The following SOX6 variants were observed in gnomAD, a reference collection of about 807,000 sequenced individuals.
SOX6 encodes SRY-box transcription factor 6, also known as transcription factor SOX-6.
In SOX6, 11 loss-of-function variants were observed where a neutral mutation model predicts 97.8. That is an observed-to-expected ratio of 0.11 (90% CI 0.07 to 0.19). The LOEUF is 0.19. SOX6 is among the 10% of genes least tolerant of loss of function. The pLI is 1.00. For synonymous variants in SOX6, 360 were observed against 371.4 expected, an observed-to-expected ratio of 0.97 and a Z score of 0.35; for missense variants, 810 against 1,039.5, an observed-to-expected ratio of 0.78 and a Z score of 3.04.
chr11:16,127,591 G>T (rs1304131115), intron 6 of SOX6, among the ~76,000 whole-genome samples: 1 of 152,066 alleles, frequency 6.6e-6, no homozygotes, highest in Non-Finnish European at 1.5e-5. Context: ...TGGTCAAAAT[G>T]ATTATTGTTA....
chr11:16,223,402 C>A (rs568592796), intron 4 of SOX6, among the ~76,000 whole-genome samples: 3 of 152,084 alleles, frequency 2.0e-5, no homozygotes, highest in Non-Finnish European at 4.4e-5. Context: ...AATCAGCATT[C>A]TAAGTTATAG....
intron 4 of SOX6, among the ~76,000 whole-genome samples, chr11:16,514,452 T>G (rs867180877): frequency 1.3e-5 from 2 of 152,144 alleles, no homozygotes; most frequent in Non-Finnish European, 2.9e-5. Flanking sequence ...TAGCTAACTG[T>G]GTAACCTCTG....
intron 3 of SOX6, among the ~76,000 whole-genome samples, chr11:16,306,611 C>CTT (rs750981587): frequency 9.9e-5 from 12 of 120,760 alleles, no homozygotes; most frequent in Admixed American, 9.1e-5. Context: ...CCTCAAATTT[C>CTT]TTTTTTTTTT....
At position 16,522,253 on chromosome 11, in the gene SOX6, G is replaced by A. The variant is rs183413791; in HGVS notation, n.610-45865C>T. Among the ~76,000 whole-genome samples the A allele has an allele frequency of 1.6e-3, 242 of 152,128 alleles. 2 individuals carry two copies. The highest frequency in any genetic ancestry group is 5.7e-3 in the African/African-American group (238 of 41,502). On this transcript the variant is annotated intron_variant and non_coding_transcript_variant, in intron 4 of 5. Coordinates refer to the SOX6 transcript ENST00000524520. The stretch of plus-strand genomic sequence containing the variant: ...GAGAAAGGTCGGGTTACCCACAAAG[G>A]GAAGCCCATCAGACTAACAGCGGAT...
intron 3 of SOX6, among the ~76,000 whole-genome samples, chr11:16,620,248 A>G (rs1036189685): frequency 8.5e-5 from 13 of 152,168 alleles, no homozygotes; most frequent in African/African-American, 3.1e-4. Context: ...TGGGATTCCA[A>G]TGTTTGTTTC....
At chr11:16,246,857 T>C (rs1250717249) in intron 3 of SOX6, among the ~76,000 whole-genome samples, 1 of 152,182 alleles carries the variant, frequency 6.6e-6, no homozygotes, top group African/African-American at 2.4e-5. Flanking sequence ...AAATATCAAA[T>C]CAAGGTAACT....
intron 2 of SOX6, among the ~76,000 whole-genome samples, chr11:16,326,609 G>A (rs1397061346): frequency 6.6e-6 from 1 of 152,000 alleles, no homozygotes; most frequent in East Asian, 1.9e-4. Flanking sequence ...CCAGAAAGGA[G>A]ATTTATCTAC....
chr11:15,996,235 T>C (rs1198383078), intron 13 of SOX6, among the ~76,000 whole-genome samples: 1 of 152,206 alleles, frequency 6.6e-6, no homozygotes. Flanking sequence ...TAGAATTAGA[T>C]TGTTAAAGGT....
intron 15 of SOX6, among the ~76,000 whole-genome samples, chr11:15,984,680 T>A (rs1853773806): frequency 6.6e-6 from 1 of 152,212 alleles, no homozygotes; most frequent in Non-Finnish European, 1.5e-5. Flanking sequence ...ATAATCCTAT[T>A]TTGTCATGTC....
chr11:16,717,136 T>C (rs1273738030), intron 2 of SOX6, among the ~76,000 whole-genome samples: 1 of 152,136 alleles, frequency 6.6e-6, no homozygotes, highest in African/African-American at 2.4e-5. Flanking sequence ...CATTTGAAAT[T>C]AGGAATATTT....
intron 4 of SOX6, among the ~76,000 whole-genome samples, chr11:16,517,958 CTA>C (rs764934969): frequency 6.6e-6 from 1 of 152,190 alleles, no homozygotes; most frequent in Non-Finnish European, 1.5e-5. Flanking sequence ...AACTAAACTT[CTA>C]AACAGCCTAA....
At chr11:16,207,992 GA>G (rs1737144513) in intron 4 of SOX6, among the ~76,000 whole-genome samples, 1 of 151,992 alleles carries the variant, frequency 6.6e-6, no homozygotes, top group African/African-American at 2.4e-5. Context: ...TTATTAAGAA[GA>G]AAATATTTCT....
Position 15,986,351 on chromosome 11 carries a change from T to C in SOX6, c.2036A>G (p.Lys679Arg). Residue 679 changes from lysine to arginine, a missense_variant, in exon 15 of 16, where the codon AAG becomes AGG. By Grantham distance (26) the Lys-to-Arg change is conservative (BLOSUM62 2). This residue lies in a region of SOX6 where 51 missense variants were observed against 145.7 expected (regional missense o/e 0.35). Transcript: ENST00000683767. ...GTTTGGGTACTTCTCTAAGTGGATC[T>C]TGCTTAGCCGGGCCTGCTCTTCATA... The part of the protein sequence containing the change: ...PYYEEQARLS[K>R]IHLEKYPNYK... 1 of 1,614,138 alleles carries C rather than the reference T, an allele frequency of 6.2e-7. No individual in the cohort carries two copies. The highest frequency in any genetic ancestry group is 8.5e-7 in the Non-Finnish European group (1 of 1,180,012).
chr11:16,578,654 A>C (rs1181952486), intron 4 of SOX6, among the ~76,000 whole-genome samples: 2 of 152,274 alleles, frequency 1.3e-5, no homozygotes, highest in African/African-American at 4.8e-5. Flanking sequence ...TTGCTTTAAA[A>C]ATTAGTTCCT....
chr11:16,604,743 T>G (rs571776887), intron 4 of SOX6, among the ~76,000 whole-genome samples: 1 of 152,350 alleles, frequency 6.6e-6, no homozygotes, highest in East Asian at 1.9e-4. Flanking sequence ...AAGACTTATT[T>G]TTAGTCCCCA....
intron 1 of SOX6, among the ~76,000 whole-genome samples, chr11:16,341,842 C>T (rs1317129019): frequency 6.6e-6 from 1 of 151,998 alleles, no homozygotes; most frequent in Non-Finnish European, 1.5e-5. Context: ...CTACTTAGTG[C>T]CATCTAAAGC....
intron 4 of SOX6, among the ~76,000 whole-genome samples, chr11:16,532,291 T>C (rs1412369748): frequency 6.6e-6 from 1 of 151,816 alleles, no homozygotes; most frequent in Non-Finnish European, 1.5e-5. Flanking sequence ...AAAGGGCCTA[T>C]TTATTCTTAC....
Position 16,025,261 on chromosome 11 carries a change from G to A in SOX6, c.1624-10211C>T, listed in dbSNP as rs148900518. 4.5e-4 allele frequency among the ~76,000 whole-genome samples: 68 copies of A among 152,206 alleles called. 1 individual carries two copies. The Middle Eastern group carries it at 0.01, about 23-fold the overall frequency. On this transcript the variant is annotated intron_variant, in intron 12 of 15. Transcript: ENST00000683767. Reference sequence around the variant, plus strand: ...TATATGTGGTTTCAACTTTTTATTCGTGTACAGAGGCATGATGCAGATTTG... The same window carrying A: ...TATATGTGGTTTCAACTTTTTATTCATGTACAGAGGCATGATGCAGATTTG...
intron 6 of SOX6, among the ~76,000 whole-genome samples, chr11:16,165,333 G>A (rs1850859500): frequency 6.6e-6 from 1 of 152,156 alleles, no homozygotes; most frequent in African/African-American, 2.4e-5. Context: ...CTTAAAGGCA[G>A]AGACATTATC....
Sources: gnomAD v4.1 joint callset for allele counts (sites outside exome capture counted in the v4.1 genomes callset) on GRCh38, gnomAD v4.1.1 for gene constraint, gnomAD v4.1.1 regional missense constraint, MANE v1.5 for transcripts, NCBI Gene and HGNC (gene_info 2026-07-23, HGNC 2026-07-21) for gene names.